Variants in RBFOX1 observed in about 807,000 individuals in gnomAD.
RBFOX1 encodes the protein RNA binding fox-1 homolog 1.
Under a neutral mutation model 57.7 loss-of-function variants are expected in RBFOX1, and 8 were observed. The observed-to-expected ratio is 0.14, with a 90% CI of 0.08 to 0.25. The LOEUF (loss-of-function observed/expected upper bound fraction) is 0.25. Ranked by LOEUF, RBFOX1 falls within the 10% of genes least tolerant of loss-of-function variation. The pLI, the probability that RBFOX1 is intolerant of heterozygous loss-of-function variation, is 1.00. For synonymous variants in RBFOX1, 326 were observed against 222.4 expected (o/e 1.47, Z -4.15); for missense variants, 611 against 548.5 (o/e 1.11, Z -1.14).
intron 3 of RBFOX1, among the ~76,000 whole-genome samples, chr16:6,793,347 A>G (rs1455350549): frequency 2.0e-5 from 3 of 152,148 alleles, no homozygotes; most frequent in African/African-American, 4.8e-5. Context: ...TTTTTCCAAA[A>G]TATGATTTTC....
intron 1 of RBFOX1, among the ~76,000 whole-genome samples, chr16:6,053,481 T>C (rs2095578077): frequency 6.6e-6 from 1 of 152,126 alleles, no homozygotes; most frequent in African/African-American, 2.4e-5. Context: ...TGGCTGAATG[T>C]AAACAAAGAA....
intron 3 of RBFOX1, among the ~76,000 whole-genome samples, chr16:6,816,691 G>C (rs1219174170): frequency 2.0e-5 from 3 of 147,538 alleles, no homozygotes; most frequent in East Asian, 2.0e-4. Flanking sequence ...AGTGAGCTGA[G>C]ACTGCACCAC....
At position 6,203,639 on chromosome 16, in the gene RBFOX1, C is replaced by T. The variant is rs75108453; in HGVS notation, c.-126-113356C>T. ...AATCAAAACCACAACAGGAGGTCAC[C>T]GCACACTTATTGGGAGGGCTGTTAT... On this transcript the variant is annotated intron_variant, in intron 1 of 15. Coordinates refer to ENST00000550418, the MANE Select transcript of RBFOX1 (RefSeq NM_018723.4). Among the ~76,000 whole-genome samples, 135 of 152,194 alleles carry T rather than the reference C, an allele frequency of 8.9e-4. No homozygotes were observed. In the East Asian group the frequency reaches 0.02, roughly 22 times the overall value.
intron 4 of RBFOX1, among the ~76,000 whole-genome samples, chr16:5,891,082 G>T (rs1358615951): frequency 6.6e-6 from 1 of 152,178 alleles, no homozygotes; most frequent in Non-Finnish European, 1.5e-5. Context: ...CTTGATACTT[G>T]TCAACCGTAA....
At chr16:5,779,270 A>G (rs2054249725) in intron 3 of RBFOX1, among the ~76,000 whole-genome samples, 1 of 152,166 alleles carries the variant, frequency 6.6e-6, no homozygotes. Context: ...AAACAGCTGA[A>G]TTTATCTTGA....
intron 1 of RBFOX1, among the ~76,000 whole-genome samples, chr16:5,445,646 C>T (rs1480133818): frequency 2.0e-5 from 3 of 152,190 alleles, no homozygotes; most frequent in African/African-American, 7.2e-5. Flanking sequence ...CAATTTATTT[C>T]TGTAGCATCA....
At chr16:6,971,504 G>C (rs1001479292) in intron 3 of RBFOX1, among the ~76,000 whole-genome samples, 2 of 122,400 alleles carry the variant, frequency 1.6e-5, no homozygotes, top group East Asian at 2.2e-4. Context: ...GAGAGAGAGA[G>C]AGTTGGTGTG....
chr16:6,934,931 G>GA (rs1221822815), intron 3 of RBFOX1, among the ~76,000 whole-genome samples: 2 of 151,800 alleles, frequency 1.3e-5, no homozygotes, highest in African/African-American at 4.8e-5. Flanking sequence ...ACCAAAAATA[G>GA]AAAAAAATTA....
chr16:7,106,519 C>T (rs1271238044), intron 4 of RBFOX1, among the ~76,000 whole-genome samples: 2 of 152,106 alleles, frequency 1.3e-5, no homozygotes, highest in Admixed American at 1.3e-4. Flanking sequence ...ATTAATTCTG[C>T]ACTACTTGTT....
chr16:5,965,786 G>T (rs1329063191), intron 4 of RBFOX1, among the ~76,000 whole-genome samples: 1 of 152,140 alleles, frequency 6.6e-6, no homozygotes, highest in Non-Finnish European at 1.5e-5. Context: ...AGTGTGGTGG[G>T]TGTGGGGACC....
chr16:6,214,458 G>A (rs2097318355), intron 1 of RBFOX1, among the ~76,000 whole-genome samples: 1 of 146,456 alleles, frequency 6.8e-6, no homozygotes, highest in African/African-American at 2.5e-5. Context: ...GTGAGAGGGA[G>A]AGCGACAGGG....
chr16:6,201,978 G>A (rs192237515), intron 1 of RBFOX1, among the ~76,000 whole-genome samples: 110 of 152,240 alleles, frequency 7.2e-4, no homozygotes, highest in African/African-American at 2.6e-3. Flanking sequence ...TCCCCATTGT[G>A]AACATGTCAG....
chr16:6,526,585 C>T (rs954419071), intron 2 of RBFOX1, among the ~76,000 whole-genome samples: 3 of 151,952 alleles, frequency 2.0e-5, no homozygotes, highest in Non-Finnish European at 2.9e-5. Flanking sequence ...AATCCCAGCA[C>T]TTTGGGAGGT....
intron 3 of RBFOX1, among the ~76,000 whole-genome samples, chr16:6,657,735 T>C (rs530164116): frequency 2.0e-5 from 3 of 152,142 alleles, no homozygotes; most frequent in Admixed American, 6.5e-5. Flanking sequence ...AGTAAACCTG[T>C]CTCTGAAGCG....
At chr16:7,296,573 C>T (rs772691077) in intron 4 of RBFOX1, among the ~76,000 whole-genome samples, 13 of 152,112 alleles carry the variant, frequency 8.5e-5, no homozygotes, top group African/African-American at 1.9e-4. Context: ...CTCATGTTCA[C>T]GATAGCTTGC....
At chr16:6,859,492 A>G (rs541482298) in intron 3 of RBFOX1, among the ~76,000 whole-genome samples, 1 of 152,022 alleles carries the variant, frequency 6.6e-6, no homozygotes, top group East Asian at 1.9e-4. Context: ...GTTCAAGTCT[A>G]CTGCCCTAAT....
intron 5 of RBFOX1, among the ~76,000 whole-genome samples, chr16:7,530,008 C>CAAAAAAAAAAAAAA (rs35251344): frequency 2.2e-4 from 27 of 124,994 alleles, no homozygotes; most frequent in Admixed American, 3.5e-4. Flanking sequence ...GACTCCATCT[C>CAAAAAAAAAAAAAA]AAAAAAAAAA....
chr16:5,641,666 G>T (rs527305953), intron 3 of RBFOX1, among the ~76,000 whole-genome samples: 97 of 152,354 alleles, frequency 6.4e-4, no homozygotes, highest in Non-Finnish European at 1.1e-3. Context: ...TGCTTGGGCA[G>T]TGAGCTCAGC....
At chr16:6,715,563 G>T (rs561937508) in intron 3 of RBFOX1, among the ~76,000 whole-genome samples, 2 of 152,032 alleles carry the variant, frequency 1.3e-5, no homozygotes, top group Admixed American at 6.6e-5. Context: ...GAAAACTCCC[G>T]AAGAGTCTTA....
Sources: gnomAD v4.1 joint callset for allele counts (sites outside exome capture counted in the v4.1 genomes callset) on GRCh38, gnomAD v4.1.1 for gene constraint, MANE v1.5 for transcripts, NCBI Gene and HGNC (gene_info 2026-07-23, HGNC 2026-07-21) for gene names.